Variants in DOCK1 observed in about 807,000 individuals in gnomAD.
DOCK1 encodes the protein dedicator of cytokinesis protein 1.
DOCK1 carries 138 observed loss-of-function variants against 262.7 expected under a neutral mutation model. The ratio of observed to expected loss-of-function variants is 0.53; its 90% CI spans 0.46 to 0.61. The LOEUF is 0.61. DOCK1 is among the 20% of genes least tolerant of loss of function. The probability of loss-of-function intolerance (pLI) is 0.00; values close to 1 mark genes in which losing one functional copy is unlikely to be tolerated. For missense variants in DOCK1, 1,908 were observed against 2,370.7 expected (o/e 0.80, Z 4.05); for synonymous variants, 866 against 867.4 (o/e 1.00, Z 0.03).
In DOCK1 at chr10:127,409,345, G is replaced by A. The variant is rs773566920; in HGVS notation, c.4297G>A (p.Asp1433Asn). Residue 1433 changes from aspartate to asparagine, a missense_variant, in exon 42 of 52, where the codon GAT (aspartate) becomes AAT (asparagine). By Grantham distance (23) the Asp-to-Asn change is conservative (BLOSUM62 1). Around this residue, in one of 9 missense-constraint regions of DOCK1, gnomAD observed 267 missense variants for 366.3 expected, o/e 0.73. Coordinates refer to ENST00000623213, the MANE Select transcript of DOCK1 (RefSeq NM_001290223.2). ...GTGCTTCACAGTGAAGCCCAAACTC[G>A]ATCTGCCTCCTAAGTTTCACAGGCC... ...IQCFTVKPKL[D>N]LPPKFHRPVS... 1.2e-5 allele frequency: 19 copies of A among 1,613,936 alleles called. No individual in the cohort carries two copies. The highest frequency in any genetic ancestry group is 2.2e-5 in the South Asian group (2 of 91,080).
chr10:127,032,042 G>A (rs1350732123), intron 17 of DOCK1, 95 bp from the exon 18 acceptor site: 7 of 1,414,506 alleles, frequency 4.9e-6, no homozygotes, highest in Non-Finnish European at 6.8e-6. Context: ...AAGCAATTAC[G>A]ATGGTTACAA....
intron 37 of DOCK1, 122 bp downstream of exon 37, chr10:127,381,490 T>G: frequency 1.3e-6 from 1 of 766,186 alleles, no homozygotes. Flanking sequence ...TGAAATTGAC[T>G]AAATAAATGC....
intron 4 of DOCK1, among the ~76,000 whole-genome samples, chr10:126,986,471 A>G (rs1410000350): frequency 2.6e-5 from 4 of 152,178 alleles, no homozygotes; most frequent in Non-Finnish European, 5.9e-5. Flanking sequence ...CAGCTAGCCT[A>G]ACTACACCAG....
chr10:126,955,732 G>A (rs1277743780), intron 1 of DOCK1, among the ~76,000 whole-genome samples: 1 of 152,252 alleles, frequency 6.6e-6, no homozygotes, highest in Non-Finnish European at 1.5e-5. Flanking sequence ...CCTAGAATCT[G>A]TATTCCTGCC....
At chr10:126,990,369 C>A (rs3750560) in intron 5 of DOCK1, 86 bp from the exon 6 acceptor site, 366,954 of 1,349,540 alleles carry the variant, frequency 0.27, 52,650 homozygotes, top group East Asian at 0.58. Flanking sequence ...ATACCTCATG[C>A]GTATTTGAAG....
chr10:127,305,364 G>A (rs1404684477), intron 29 of DOCK1, among the ~76,000 whole-genome samples: 2 of 152,164 alleles, frequency 1.3e-5, no homozygotes, highest in African/African-American at 2.4e-5. Flanking sequence ...GCCTGTCACT[G>A]GTCAGTGGTC....
At chr10:127,219,016 AG>A (rs2134416073) in intron 27 of DOCK1, among the ~76,000 whole-genome samples, 1 of 152,322 alleles carries the variant, frequency 6.6e-6, no homozygotes, top group African/African-American at 2.4e-5. Context: ...CACCTCTTAA[AG>A]GATGCACTTC....
chr10:127,418,751 A>T (rs978497137), intron 45 of DOCK1, among the ~76,000 whole-genome samples: 3 of 152,244 alleles, frequency 2.0e-5, no homozygotes, highest in African/African-American at 7.2e-5. Context: ...TCCCCTGGGC[A>T]TCCCCAGACA....
chr10:126,944,474 C>T (rs1302111347), intron 1 of DOCK1, among the ~76,000 whole-genome samples: 3 of 152,004 alleles, frequency 2.0e-5, no homozygotes, highest in Non-Finnish European at 2.9e-5. Context: ...CACGAAGATG[C>T]GTATGGAAGC....
chr10:127,372,277 A>G (rs930418068), intron 33 of DOCK1, among the ~76,000 whole-genome samples: 1 of 151,860 alleles, frequency 6.6e-6, no homozygotes, highest in Non-Finnish European at 1.5e-5. Context: ...CTTGGGTTTC[A>G]CCGTTCCTTG....
At chr10:127,096,843 AC>A (rs2047937443) in intron 23 of DOCK1, among the ~76,000 whole-genome samples, 1 of 152,114 alleles carries the variant, frequency 6.6e-6, no homozygotes, top group African/African-American at 2.4e-5. Context: ...ATGGTGGCTC[AC>A]CCCTGTAATC....
chr10:127,132,930 T>A (rs2050412576), intron 27 of DOCK1, among the ~76,000 whole-genome samples: 1 of 152,146 alleles, frequency 6.6e-6, no homozygotes, highest in South Asian at 2.1e-4. Context: ...CTTTGAACAT[T>A]GACAGAAGTG....
At chr10:127,310,997 T>C (rs2062044524) in intron 29 of DOCK1, among the ~76,000 whole-genome samples, 1 of 152,154 alleles carries the variant, frequency 6.6e-6, no homozygotes, top group Admixed American at 6.5e-5. Context: ...ACTTTTTCAG[T>C]GTGTTTTATT....
chr10:126,915,360 A>G (rs574608368), intron 1 of DOCK1, among the ~76,000 whole-genome samples: 2 of 146,808 alleles, frequency 1.4e-5, no homozygotes, highest in East Asian at 2.0e-4. Context: ...AGATTTCAGG[A>G]TATTCTTCAG....
intron 1 of DOCK1, among the ~76,000 whole-genome samples, chr10:126,969,653 C>G (rs2037945348): frequency 6.6e-6 from 1 of 152,034 alleles, no homozygotes; most frequent in Admixed American, 6.6e-5. Flanking sequence ...TGAGGTGCAC[C>G]CAGTGGGAAG....
At chr10:127,171,055 A>G (rs569203443) in intron 27 of DOCK1, among the ~76,000 whole-genome samples, 2 of 152,340 alleles carry the variant, frequency 1.3e-5, no homozygotes, top group African/African-American at 4.8e-5. Flanking sequence ...TGTGCTGGTT[A>G]TAAGTGGGAG....
chr10:127,354,520 C>G (rs1374287386), intron 31 of DOCK1, 149 bp from the exon 32 acceptor site: 1 of 806,506 alleles, frequency 1.2e-6, no homozygotes. Context: ...TCCTTTGATT[C>G]ATTTTGGTGG....
chr10:127,199,481 G>A (rs374396387), intron 27 of DOCK1, among the ~76,000 whole-genome samples: 2 of 152,180 alleles, frequency 1.3e-5, no homozygotes, highest in East Asian at 3.8e-4. Context: ...AGATTTCTTG[G>A]TTCTTCGTAT....
At chr10:127,299,243 C>T (rs2061601261) in intron 29 of DOCK1, among the ~76,000 whole-genome samples, 1 of 152,198 alleles carries the variant, frequency 6.6e-6, no homozygotes, top group Non-Finnish European at 1.5e-5. Flanking sequence ...GGATTACAGG[C>T]ATGCGCCACC....
Sources: gnomAD v4.1 joint callset for allele counts (sites outside exome capture counted in the v4.1 genomes callset) on GRCh38, gnomAD v4.1.1 for gene constraint, gnomAD v4.1.1 regional missense constraint, MANE v1.5 for transcripts, NCBI Gene and HGNC (gene_info 2026-07-23, HGNC 2026-07-21) for gene names.